Variants in SLC7A7 observed in about 807,000 individuals in gnomAD.
SLC7A7 encodes solute carrier family 7 member 7, also known as Y+L amino acid transporter 1.
SLC7A7 carries 39 observed loss-of-function variants against 47.9 expected under a neutral mutation model. The ratio of observed to expected loss-of-function variants is 0.81; its 90% CI spans 0.63 to 1.06. The LOEUF is 1.06. Among genes scored for constraint, SLC7A7 ranks in the 50% least tolerant of loss-of-function variants. The pLI is 0.00. For synonymous variants in SLC7A7, 234 were observed against 242.8 expected (o/e 0.96, Z 0.34); for missense variants, 588 against 632.0 (o/e 0.93, Z 0.75).
Position 22,786,260 on chromosome 14 carries a change from G to GT in SLC7A7, c.500-6210dup, listed in dbSNP as rs1472066363. Among the ~76,000 whole-genome samples the GT allele has an allele frequency of 2.0e-5, 3 of 152,194 alleles. No individual in the cohort carries two copies. The East Asian group carries it at 5.8e-4, about 29-fold the overall frequency. On this transcript the variant is annotated intron_variant, in intron 2 of 9. Coordinates refer to ENST00000674313, the MANE Select transcript of SLC7A7 (RefSeq NM_003982.4). ...TTGAACCCGGGAGGCAGAGGTTGCA[G>GT]TGGGCCGAGATCACGGCACTGCACT...
intron 2 of SLC7A7, 115 bp from the exon 3 acceptor site, chr14:22,780,166 C>G: frequency 6.9e-7 from 1 of 1,457,474 alleles, no homozygotes; most frequent in Non-Finnish European, 9.5e-7. Flanking sequence ...CAGCCAAAGA[C>G]AGACCCTCTG....
At chr14:22,786,799 G>A (rs2038825611) in intron 2 of SLC7A7, among the ~76,000 whole-genome samples, 1 of 152,120 alleles carries the variant, frequency 6.6e-6, no homozygotes, top group Non-Finnish European at 1.5e-5. Context: ...AGCCAGACAT[G>A]GTGGCACACA....
At chr14:22,800,117 C>T (rs549642331) in intron 2 of SLC7A7, among the ~76,000 whole-genome samples, 1 of 152,324 alleles carries the variant, frequency 6.6e-6, no homozygotes, top group Non-Finnish European at 1.5e-5. Flanking sequence ...AGGATCATAG[C>T]AGCAGCTTCC....
In SLC7A7 at chr14:22,774,082, C is replaced by T; in HGVS notation, c.1280G>A (p.Cys427Tyr). 6.2e-7 allele frequency: 1 copy of T among 1,614,142 alleles called. No individual in the cohort carries two copies. Among genetic ancestry groups the T allele is most frequent in the Non-Finnish European group, 8.5e-7 (1 of 1,180,028 alleles). ...TGGAACAGCCACCAGGAAGATGGTG[C>T]AGAGGCAGAAGACAATCGGGAAGAA... Reference protein sequence around the residue: ...SVFFPIVFCLCTIFLVAVPLY... With the variant: ...SVFFPIVFCLYTIFLVAVPLY... Residue 427 changes from cysteine to tyrosine, a missense_variant, in exon 9 of 10, where the codon TGC becomes TAC. Transcript: ENST00000674313.
chr14:22,775,953 G>T lies in SLC7A7; in HGVS notation c.895-17C>A. 1 of 1,589,414 alleles carries T rather than the reference G, an allele frequency of 6.3e-7. No homozygotes were observed. Among genetic ancestry groups the T allele is most frequent in the Non-Finnish European group, 8.6e-7 (1 of 1,157,296 alleles). On this transcript the variant is annotated splice_polypyrimidine_tract_variant and intron_variant, in intron 5 of 9. Transcript: ENST00000674313. ...TGCAAAAGTCTAAGGGAAAAGAATGGAAGAGTCATTAGCAGGATCTAAAAG... is the reference window on the plus strand; with the variant it reads ...TGCAAAAGTCTAAGGGAAAAGAATGTAAGAGTCATTAGCAGGATCTAAAAG...
intron 2 of SLC7A7, among the ~76,000 whole-genome samples, chr14:22,812,287 C>T (rs974132956): frequency 1.3e-5 from 2 of 152,032 alleles, no homozygotes; most frequent in Non-Finnish European, 2.9e-5. Context: ...CTGCCTCAGC[C>T]TCCTGAGTAG....
chr14:22,815,515 G>C (rs1166689640), upstream of SLC7A7: 1 of 454,338 alleles, frequency 2.2e-6, no homozygotes, highest in Non-Finnish European at 4.4e-6. Context: ...AGTGAGGGAG[G>C]GGGAAAGGAG....
At chr14:22,793,867 G>C (rs1435892755) in intron 2 of SLC7A7, among the ~76,000 whole-genome samples, 1 of 151,882 alleles carries the variant, frequency 6.6e-6, no homozygotes, top group East Asian at 1.9e-4. Context: ...GAAGCTACAA[G>C]ATTCTGACCT....
At chr14:22,790,822 A>AC in intron 2 of SLC7A7, among the ~76,000 whole-genome samples, 1 of 151,862 alleles carries the variant, frequency 6.6e-6, no homozygotes. Context: ...ACATGGTGAA[A>AC]CCCCGTCTCT....
At chr14:22,776,141 A>G in intron 5 of SLC7A7, 54 bp downstream of exon 5, 1 of 1,612,922 alleles carries the variant, frequency 6.2e-7, no homozygotes, top group Non-Finnish European at 8.5e-7. Flanking sequence ...GAGCCAGAAT[A>G]TACCCAGTAC....
rs56375225 is a variant in SLC7A7, at chr14:22,799,448, CTTTTTTT to C, written c.499+13445_499+13451del. On this transcript the variant is annotated intron_variant, in intron 2 of 9. Coordinates refer to ENST00000674313, the MANE Select transcript of SLC7A7 (RefSeq NM_003982.4). Reference sequence around the variant, plus strand: ...TCTTTTTCTTTTTATTTTTTTCTTTCTTTTTTTTTTTTTTTTTTTTTTTTGAGACAGA... The same window carrying C: ...TCTTTTTCTTTTTATTTTTTTCTTTCTTTTTTTTTTTTTTTTTGAGACAGA... Among the ~76,000 whole-genome samples the C allele has an allele frequency of 9.2e-5, 7 of 76,184 alleles. No individual in the cohort carries two copies. In the South Asian group the frequency reaches 1.8e-3, roughly 20 times the overall value. The allele number at this position is 76,184 out of a possible 152,430, so 50.0% of individuals were successfully genotyped here. A position where few individuals can be genotyped will look rare whatever the true frequency, so the allele number is the denominator to read the frequency against.
chr14:22,818,523 G>T (rs537619234), upstream of SLC7A7, among the ~76,000 whole-genome samples: 1 of 150,984 alleles, frequency 6.6e-6, no homozygotes, highest in East Asian at 1.9e-4. Context: ...CATTCAGGCA[G>T]CCTGGGACCA....
At chr14:22,774,237 A>G in intron 8 of SLC7A7, 117 bp downstream of exon 8, 2 of 1,591,860 alleles carry the variant, frequency 1.3e-6, no homozygotes, top group Non-Finnish European at 1.7e-6. Flanking sequence ...ATTTCAACAC[A>G]TTACTAACGA....
At chr14:22,791,211 T>C (rs1372537004) in intron 2 of SLC7A7, among the ~76,000 whole-genome samples, 1 of 152,128 alleles carries the variant, frequency 6.6e-6, no homozygotes, top group Admixed American at 6.6e-5. Flanking sequence ...CTCTAAAATT[T>C]CCATTCTAAA....
chr14:22,774,740 G>A (rs1006295271), intron 7 of SLC7A7, among the ~76,000 whole-genome samples: 8 of 152,042 alleles, frequency 5.3e-5, no homozygotes, highest in African/African-American at 1.7e-4. Context: ...AAGCAAGCTC[G>A]AAACAATCCC....
At chr14:22,804,070 C>A (rs1169362812) in intron 2 of SLC7A7, among the ~76,000 whole-genome samples, 1 of 152,122 alleles carries the variant, frequency 6.6e-6, no homozygotes, top group African/African-American at 2.4e-5. Context: ...TGAACACACA[C>A]CTTCTGGTCA....
upstream of SLC7A7, chr14:22,815,652 T>G (rs1321510081): frequency 1.5e-5 from 7 of 453,938 alleles, no homozygotes; most frequent in African/African-American, 1.2e-4. Context: ...CTTTGTCAGC[T>G]CTGCTCTGGG....
In SLC7A7 at chr14:22,776,412, C is replaced by A. The variant is rs185194034; in HGVS notation, c.771-94G>T. On this transcript the variant is annotated intron_variant, in intron 4 of 9. Coordinates refer to ENST00000674313, the MANE Select transcript of SLC7A7 (RefSeq NM_003982.4). ...GACTCTCCCTGCCACACCGGTCTTT[C>A]CAGGGATGGAGACTGTTGCTACATT... 134 of 1,513,984 alleles carry A rather than the reference C, an allele frequency of 8.9e-5. No homozygotes were observed. The Admixed American group carries it at 2.2e-3, about 25-fold the overall frequency. The allele number at this position is 1,513,984 out of a possible 1,614,324, so 93.8% of individuals were successfully genotyped here. A position where few individuals can be genotyped will look rare whatever the true frequency, so the allele number is the denominator to read the frequency against.
At chr14:22,790,119 A>G (rs1343160954) in intron 2 of SLC7A7, among the ~76,000 whole-genome samples, 1 of 151,910 alleles carries the variant, frequency 6.6e-6, no homozygotes, top group Non-Finnish European at 1.5e-5. Context: ...CCTTGAGCTC[A>G]GGAGTTTGAA....
Sources: allele counts gnomAD v4.1 joint callset (sites outside exome capture counted in the v4.1 genomes callset), GRCh38; gene constraint gnomAD v4.1.1; transcripts MANE v1.5; gene names NCBI Gene and HGNC (gene_info 2026-07-23, HGNC 2026-07-21).